The following PLXNA2 variants were observed in gnomAD, a reference collection of about 807,000 sequenced individuals.
PLXNA2 encodes plexin-A2.
In PLXNA2, 91 loss-of-function variants were observed where a neutral mutation model predicts 193.5. That is an observed-to-expected ratio of 0.47 (90% CI 0.40 to 0.56). The LOEUF is 0.56. PLXNA2 is among the 20% of genes least tolerant of loss of function. The pLI is 0.00. For missense variants in PLXNA2, 1,995 were observed against 2,503.2 expected, an observed-to-expected ratio of 0.80 and a Z score of 4.33; for synonymous variants, 997 against 1,027.3, an observed-to-expected ratio of 0.97 and a Z score of 0.56.
Position 208,022,906 on chromosome 1 carries a change from A to AG in PLXNA2, c.*4336dup, listed in dbSNP as rs1270619516. ...TGGGTGGAGGCCCTGTATGCCAAGC[A>AG]GTGGCTGTGATCGTGTCTCAGGACT... On this transcript the variant is annotated 3_prime_UTR_variant, in exon 32 of 32. Coordinates refer to ENST00000367033, the MANE Select transcript of PLXNA2 (RefSeq NM_025179.4). The AG allele has an allele frequency of 6.6e-6, 1 of 152,186 alleles. No homozygotes were observed. Among genetic ancestry groups the AG allele is most frequent in the Non-Finnish European group, 1.5e-5 (1 of 68,046 alleles). The allele number at this position is 152,186 out of a possible 1,614,324, so 9.4% of individuals were successfully genotyped here. A position where few individuals can be genotyped will look rare whatever the true frequency, so the allele number is the denominator to read the frequency against.
At chr1:208,170,236 A>G (rs1245968835) in intron 3 of PLXNA2, among the ~76,000 whole-genome samples, 1 of 152,220 alleles carries the variant, frequency 6.6e-6, no homozygotes, top group Non-Finnish European at 1.5e-5. Context: ...GCCATTTTTA[A>G]TGCCTCTATT....
At chr1:208,069,138 G>C (rs1414247273) in intron 12 of PLXNA2, among the ~76,000 whole-genome samples, 1 of 152,192 alleles carries the variant, frequency 6.6e-6, no homozygotes, top group Admixed American at 6.5e-5. Flanking sequence ...GGAAGACTAG[G>C]TCAGCAGGAT....
chr1:208,066,205 C>A (rs1250335000), intron 12 of PLXNA2, among the ~76,000 whole-genome samples: 1 of 152,208 alleles, frequency 6.6e-6, no homozygotes, highest in African/African-American at 2.4e-5. Context: ...GAATTCTCCC[C>A]ATGTGGACCT....
At position 208,031,758 on chromosome 1, in the gene PLXNA2, C is replaced by A; in HGVS notation, c.5057G>T (p.Gly1686Val). Residue 1686 changes from glycine to valine, a missense_variant and splice_region_variant, in exon 29 of 32, where the codon GGC becomes GTC. This residue lies in a region of PLXNA2 where 1,291 missense variants were observed against 1,673.6 expected (regional missense o/e 0.77). Transcript: ENST00000367033. ...IYLTRLLATK[G>V]TLQKFVDDLF... Reference sequence around the variant, plus strand: ...GTCGTCCACAAACTTCTGCAGGGTGCCCTGGAGGAGGGGTGGGGGAGAGTA... The same window carrying A: ...GTCGTCCACAAACTTCTGCAGGGTGACCTGGAGGAGGGGTGGGGGAGAGTA... The A allele has an allele frequency of 4.4e-6, 7 of 1,596,146 alleles. No individual in the cohort carries two copies. The highest frequency in any genetic ancestry group is 6.0e-6 in the Non-Finnish European group (7 of 1,168,660).
chr1:208,233,450 C>A (rs1460878526), intron 1 of PLXNA2, among the ~76,000 whole-genome samples: 1 of 152,198 alleles, frequency 6.6e-6, no homozygotes, highest in Non-Finnish European at 1.5e-5. Flanking sequence ...TCTTCCTGGC[C>A]CCCAGGGACT....
intron 4 of PLXNA2, among the ~76,000 whole-genome samples, chr1:208,140,591 T>C (rs1160487635): frequency 6.6e-6 from 1 of 152,248 alleles, no homozygotes; most frequent in Non-Finnish European, 1.5e-5. Context: ...CTGTCCTTTT[T>C]TCTGTATCTA....
Position 208,082,606 on chromosome 1 carries a change from C to A in PLXNA2, c.2299-98G>T. 1 of 834,970 alleles carries A rather than the reference C, an allele frequency of 1.2e-6. No homozygotes were observed. The highest frequency in any genetic ancestry group is 2.0e-6 in the Non-Finnish European group (1 of 504,836). The allele number at this position is 834,970 out of a possible 1,614,324, so 51.7% of individuals were successfully genotyped here. On this transcript the variant is annotated intron_variant, in intron 10 of 31. Coordinates refer to ENST00000367033, the MANE Select transcript of PLXNA2 (RefSeq NM_025179.4). The surrounding 1 kb of genome is among the most constrained non-coding windows in gnomAD (Gnocchi z 4.2). ...CTGCATGCTGCTCAGATTATTATGA[C>A]GCTCTTTCCCTGAATCCCAGTCACT... is the stretch of plus-strand genomic sequence containing the variant.
At chr1:208,096,218 C>G in intron 7 of PLXNA2, 93 bp from the exon 8 acceptor site, 1 of 913,580 alleles carries the variant, frequency 1.1e-6, no homozygotes, top group Admixed American at 1.8e-5. Context: ...ATGAAGCCAC[C>G]ACAGGGCTCT....
chr1:208,081,043 CAG>C (rs1666322433), intron 11 of PLXNA2, among the ~76,000 whole-genome samples: 2 of 152,216 alleles, frequency 1.3e-5, no homozygotes, highest in South Asian at 4.1e-4. Flanking sequence ...TGTGCACTCT[CAG>C]AGCTTCTTCA....
intron 4 of PLXNA2, among the ~76,000 whole-genome samples, chr1:208,118,967 G>A (rs1029002175): frequency 1.3e-5 from 2 of 152,102 alleles, no homozygotes; most frequent in African/African-American, 4.8e-5. Context: ...GAACATTGCC[G>A]GAGAATCATT....
chr1:208,172,331 G>T (rs1669522308), intron 3 of PLXNA2, among the ~76,000 whole-genome samples: 3 of 151,992 alleles, frequency 2.0e-5, no homozygotes, highest in Admixed American at 2.0e-4. Context: ...AGGGATCCCT[G>T]GACTTTGCTT....
At chr1:208,092,684 C>T in intron 9 of PLXNA2, 102 bp downstream of exon 9, 1 of 712,102 alleles carries the variant, frequency 1.4e-6, no homozygotes, top group East Asian at 2.8e-5. Flanking sequence ...CAAGATGGGC[C>T]AGGGCAAGAA....
chr1:208,176,262 CTCAT>C (rs1337041180), intron 3 of PLXNA2, among the ~76,000 whole-genome samples: 1 of 152,154 alleles, frequency 6.6e-6, no homozygotes, highest in Non-Finnish European at 1.5e-5. Flanking sequence ...TAACTCTAGA[CTCAT>C]TCATTTCATT....
chr1:208,074,719 G>C (rs1666092226), intron 12 of PLXNA2, among the ~76,000 whole-genome samples: 1 of 152,218 alleles, frequency 6.6e-6, no homozygotes, highest in Non-Finnish European at 1.5e-5. Flanking sequence ...AGGAAGGACA[G>C]CATCCATTCC....
At chr1:208,206,105 A>C (rs576839061) in intron 3 of PLXNA2, among the ~76,000 whole-genome samples, 12 of 152,360 alleles carry the variant, frequency 7.9e-5, no homozygotes, top group African/African-American at 2.4e-4. Context: ...ATAGCATGTG[A>C]CACATAATAA....
chr1:208,057,212 C>A (rs541099279), intron 13 of PLXNA2, among the ~76,000 whole-genome samples: 2 of 152,180 alleles, frequency 1.3e-5, no homozygotes, highest in Admixed American at 6.5e-5. Context: ...TGCTACAGAG[C>A]GGGTCTTATC....
chr1:208,056,067 G>A (rs540450008), intron 13 of PLXNA2, among the ~76,000 whole-genome samples: 4 of 152,342 alleles, frequency 2.6e-5, no homozygotes, highest in Admixed American at 1.3e-4. Context: ...GGGAGCATTC[G>A]AGAAGCTCAA....
At chr1:208,070,670 C>G (rs1007457925) in intron 12 of PLXNA2, among the ~76,000 whole-genome samples, 2 of 152,216 alleles carry the variant, frequency 1.3e-5, no homozygotes, top group East Asian at 3.8e-4. Context: ...AGTGCTAAAA[C>G]TTATTCTCAA....
At chr1:208,032,237 G>T in intron 28 of PLXNA2, 1 of 658,462 alleles carries the variant, frequency 1.5e-6, no homozygotes, top group Non-Finnish European at 1.9e-6. Context: ...TATCTGGAAT[G>T]TGGAATGTGG....
Sources: gnomAD v4.1 joint callset for allele counts (sites outside exome capture counted in the v4.1 genomes callset) on GRCh38, gnomAD v4.1.1 for gene constraint, gnomAD v4.1.1 regional missense constraint, Gnocchi (gnomAD v3.1) non-coding constraint, MANE v1.5 for transcripts, NCBI Gene and HGNC (gene_info 2026-07-23, HGNC 2026-07-21) for gene names.